Variants in ZDHHC6 observed in about 807,000 individuals in gnomAD.
ZDHHC6 encodes the protein zDHHC palmitoyltransferase 6.
In ZDHHC6, 32 loss-of-function variants were observed where a neutral mutation model predicts 57.8. The ratio of observed to expected loss-of-function variants is 0.55; its 90% CI spans 0.42 to 0.74. ZDHHC6 has a LOEUF of 0.74. Among genes scored for constraint, ZDHHC6 ranks in the 30% least tolerant of loss-of-function variants. The pLI, the probability that ZDHHC6 is intolerant of heterozygous loss-of-function variation, is 0.00. For synonymous variants in ZDHHC6, 128 were observed against 158.0 expected (o/e 0.81, Z 1.42); for missense variants, 433 against 500.7 (o/e 0.86, Z 1.29).
downstream of ZDHHC6, chr10:112,425,629 A>G (rs1844646276): frequency 5.5e-6 from 4 of 722,332 alleles, no homozygotes; most frequent in South Asian, 1.5e-4. Flanking sequence ...TACATTCCAA[A>G]CCTCAAATAA....
chr10:112,444,093 C>A (rs2133938191), intron 2 of ZDHHC6, among the ~76,000 whole-genome samples: 1 of 152,272 alleles, frequency 6.6e-6, no homozygotes, highest in African/African-American at 2.4e-5. Flanking sequence ...AAATAATATT[C>A]CTATAATACA....
At chr10:112,440,453 T>G in intron 5 of ZDHHC6, 81 bp downstream of exon 5, 1 of 1,437,932 alleles carries the variant, frequency 7.0e-7, no homozygotes, top group Non-Finnish European at 9.4e-7. Context: ...ACTGGACACT[T>G]AAATACAGGC....
chr10:112,427,244 G>C (rs1361566820), downstream of ZDHHC6: 20 of 1,612,760 alleles, frequency 1.2e-5, no homozygotes, highest in Non-Finnish European at 1.7e-5. Flanking sequence ...TTCATCCAGA[G>C]CCATTTTCCA....
At chr10:112,438,067 T>C (rs1269904029) in intron 6 of ZDHHC6, among the ~76,000 whole-genome samples, 1 of 152,206 alleles carries the variant, frequency 6.6e-6, no homozygotes, top group Non-Finnish European at 1.5e-5. Context: ...AAACAGATGG[T>C]TTGACGTGTG....
At chr10:112,444,834 A>C (rs1269649239) in intron 2 of ZDHHC6, among the ~76,000 whole-genome samples, 1 of 152,220 alleles carries the variant, frequency 6.6e-6, no homozygotes, top group Non-Finnish European at 1.5e-5. Context: ...ATTACATGAA[A>C]AAAGGTACTA....
At chr10:112,426,185 T>C, downstream of ZDHHC6, 1 of 1,188,430 alleles carries the variant, frequency 8.4e-7, no homozygotes. Flanking sequence ...ATAATTCTGC[T>C]TTATTTAACT....
At chr10:112,436,671 T>C (rs888638356) in intron 6 of ZDHHC6, among the ~76,000 whole-genome samples, 4 of 152,224 alleles carry the variant, frequency 2.6e-5, no homozygotes, top group Admixed American at 6.5e-5. Flanking sequence ...TTTTGTTGCA[T>C]TGACATTTGC....
intron 6 of ZDHHC6, among the ~76,000 whole-genome samples, chr10:112,438,091 C>A (rs960722469): frequency 6.6e-6 from 1 of 152,160 alleles, no homozygotes; most frequent in Non-Finnish European, 1.5e-5. Context: ...TAGGCCTCTG[C>A]GACCACTCAG....
chr10:112,445,453 G>C lies in ZDHHC6; in HGVS notation c.-17C>G. On this transcript the variant is annotated 5_prime_UTR_variant, in exon 2 of 11. Transcript: ENST00000369405. ...TGTACCCATTTTGGCAAGGAAGAATGCCTTCCTACTTTAAAAGAATTATAG... is the reference window on the plus strand; with the variant it reads ...TGTACCCATTTTGGCAAGGAAGAATCCCTTCCTACTTTAAAAGAATTATAG... 2 of 1,606,344 alleles carry C rather than the reference G, an allele frequency of 1.2e-6. No homozygotes were observed. The highest frequency in any genetic ancestry group is 8.5e-7 in the Non-Finnish European group (1 of 1,175,372).
rs58737382 is a variant in ZDHHC6, at chr10:112,436,463, G to A, written c.735+1873C>T. ...TGCACTCCAGCCTGGGCAACAGAGC[G>A]AGACTCCGTCGCCAGAAAACAAAAA... is the stretch of plus-strand genomic sequence containing the variant. On this transcript the variant is annotated intron_variant, in intron 6 of 10. Transcript: ENST00000369405. Among the ~76,000 whole-genome samples the A allele has an allele frequency of 7.4e-3, 1,124 of 152,292 alleles. 10 individuals carry two copies. Among genetic ancestry groups the A allele is most frequent in the African/African-American group, 0.026 (1,066 of 41,574 alleles).
At chr10:112,445,946 G>A (rs1846626705) in intron 1 of ZDHHC6, among the ~76,000 whole-genome samples, 2 of 152,208 alleles carry the variant, frequency 1.3e-5, no homozygotes, top group African/African-American at 4.8e-5. Flanking sequence ...AGTTTGAGAA[G>A]ACAAAGAATT....
chr10:112,437,507 T>C (rs1399316729), intron 6 of ZDHHC6, among the ~76,000 whole-genome samples: 1 of 152,210 alleles, frequency 6.6e-6, no homozygotes, highest in Admixed American at 6.5e-5. Context: ...ATTAAAATAT[T>C]CTATCCTTTT....
At chr10:112,447,480 C>T (rs1386890211), upstream of ZDHHC6, 2 of 1,612,164 alleles carry the variant, frequency 1.2e-6, no homozygotes, top group Non-Finnish European at 1.7e-6. Flanking sequence ...GAGAGCCTTG[C>T]CCGGCTGGAC....
chr10:112,442,269 G>GA lies in ZDHHC6; in HGVS notation c.441dup (p.Leu148SerfsTer92), dbSNP rs767597379. 3.1e-6 allele frequency: 5 copies of GA among 1,614,008 alleles called. No individual in the cohort carries two copies. The highest frequency in any genetic ancestry group is 3.4e-6 in the Non-Finnish European group (4 of 1,179,948). ...ATACAACCCAGTGGTGCTAAAAGGA[G>GA]AAACAGTGTGAACGAAGCATGATTT... is the stretch of plus-strand genomic sequence containing the variant. On this transcript the variant is annotated frameshift_variant, in exon 4 of 11. Transcript: ENST00000369405. LOFTEE classifies it high-confidence loss of function.
chr10:112,435,466 C>A (rs1157134663), intron 6 of ZDHHC6, among the ~76,000 whole-genome samples: 8 of 152,068 alleles, frequency 5.3e-5, no homozygotes, highest in African/African-American at 1.7e-4. Flanking sequence ...TTATAAGCAG[C>A]CTTGGTCATC....
At chr10:112,435,649 A>G (rs1344495150) in intron 6 of ZDHHC6, among the ~76,000 whole-genome samples, 1 of 152,228 alleles carries the variant, frequency 6.6e-6, no homozygotes, top group East Asian at 1.9e-4. Context: ...ATTAAGCTAT[A>G]ATGCATATGA....
chr10:112,438,430 G>C, intron 5 of ZDHHC6, 41 bp from the exon 6 acceptor site: 24 of 1,303,606 alleles, frequency 1.8e-5, no homozygotes, highest in Non-Finnish European at 2.4e-5. Flanking sequence ...ATGCGACCTT[G>C]GTTCCTTTAA....
At chr10:112,433,351 T>C in intron 7 of ZDHHC6, 70 bp from the exon 8 acceptor site, 1 of 1,303,420 alleles carries the variant, frequency 7.7e-7, no homozygotes. Context: ...CCTTTCCTCA[T>C]CAACTGTCAG....
chr10:112,426,647 G>A, downstream of ZDHHC6: 1 of 712,542 alleles, frequency 1.4e-6, no homozygotes, highest in Non-Finnish European at 2.4e-6. Flanking sequence ...TTTCAATATT[G>A]GGCATATAAT....
Sources: gnomAD v4.1 joint callset for allele counts (sites outside exome capture counted in the v4.1 genomes callset) on GRCh38, gnomAD v4.1.1 for gene constraint, MANE v1.5 for transcripts, NCBI Gene and HGNC (gene_info 2026-07-23, HGNC 2026-07-21) for gene names.